Variants in ZBED6 observed in about 807,000 individuals in gnomAD.
ZBED6 encodes the protein zinc finger BED domain-containing protein 6.
A neutral mutation model predicts 58.4 loss-of-function variants in ZBED6; 40 were observed. The observed-to-expected ratio is 0.68, with a 90% confidence interval of 0.53 to 0.89. The LOEUF (loss-of-function observed/expected upper bound fraction) is 0.89, where lower values mean the gene tolerates loss of function less well. Among genes scored for constraint, ZBED6 ranks in the 40% least tolerant of loss-of-function variants. The probability of loss-of-function intolerance (pLI) is 0.00; values close to 1 mark genes in which losing one functional copy is unlikely to be tolerated. For synonymous variants in ZBED6, 439 were observed against 350.6 expected (o/e 1.25, Z -2.82); for missense variants, 1,057 against 1,003.9 (o/e 1.05, Z -0.71).
chr1:203,798,607 A>T lies in ZBED6; in HGVS notation c.1085A>T (p.Asp362Val), dbSNP rs1428605208. 1.3e-6 allele frequency: 2 copies of T among 1,536,126 alleles called. No individual in the cohort carries two copies. Among genetic ancestry groups the T allele is most frequent in the Admixed American group, 3.9e-5 (2 of 50,986 alleles). ...GGCAGCCAAGATTTAACAGCTGAGG[A>T]CCTTAGTGACTCTGATTCAGATGAA... Residue 362 changes from aspartate to valine, a missense_variant, in exon 1 of 17, where the codon GAC (aspartate) becomes GTC (valine). Physicochemically the swap from Asp to Val is radical, Grantham distance 152 (BLOSUM62 -3). Transcript: ENST00000550078.
chr1:203,825,101 T>C (rs1268090939), intron 3 of ZBED6, among the ~76,000 whole-genome samples: 7 of 114,336 alleles, frequency 6.1e-5, no homozygotes, highest in Non-Finnish European at 9.3e-5. Context: ...AAAAAGAAAA[T>C]AGATGTTAGA....
rs1689040468 is a variant in ZBED6 at position 203,850,692 on chromosome 1, T to C, written c.*4805+11T>C. ...AAAAAGGCAGCTGTGGTAAGAAGTA[T>C]ATTCACTTTGTGGTGCTTTATTCTG... is the stretch of plus-strand genomic sequence containing the variant. On this transcript the variant is annotated intron_variant, in intron 15 of 16. Transcript: ENST00000550078. 2 of 1,612,132 alleles carry C rather than the reference T, an allele frequency of 1.2e-6. No homozygotes were observed. The highest frequency in any genetic ancestry group is 1.3e-5 in the African/African-American group (1 of 74,878).
intron 3 of ZBED6, among the ~76,000 whole-genome samples, chr1:203,820,466 T>TTGTGTGTGTGTGTG (rs144962991): frequency 0.096 from 13,052 of 136,404 alleles, 825 homozygotes; most frequent in East Asian, 0.2. Context: ...ATATCACAAA[T>TTGTGTGTGTGTGTG]TATGTGTGTG....
chr1:203,821,374 T>A (rs1035209015), intron 3 of ZBED6, among the ~76,000 whole-genome samples: 1 of 152,212 alleles, frequency 6.6e-6, no homozygotes, highest in Non-Finnish European at 1.5e-5. Context: ...GAAAATGGAC[T>A]AATACATGTG....
At chr1:203,840,639 T>TA (rs200528883) in intron 11 of ZBED6, among the ~76,000 whole-genome samples, 18 of 151,602 alleles carry the variant, frequency 1.2e-4, no homozygotes, top group South Asian at 4.1e-4. Context: ...TTTATTTATT[T>TA]TATTTATTTT....
exon 1 of ZBED6, chr1:203,797,406 T>G (rs1310860878): frequency 9.9e-7 from 1 of 1,008,648 alleles, no homozygotes; most frequent in Non-Finnish European, 1.4e-6. Context: ...AGTGGGAATT[T>G]GATTCCCCAT....
At chr1:203,849,543 C>A (rs550658094) in intron 13 of ZBED6, among the ~76,000 whole-genome samples, 168 bp from the exon 14 acceptor site, 1 of 152,290 alleles carries the variant, frequency 6.6e-6, no homozygotes, top group South Asian at 2.1e-4. Context: ...TAATTCTAAT[C>A]TTTCATCTTT....
chr1:203,810,420 T>A (rs1234412731), intron 1 of ZBED6, among the ~76,000 whole-genome samples: 1 of 146,112 alleles, frequency 6.8e-6, no homozygotes, highest in African/African-American at 2.6e-5. Context: ...TTGTAGCTGT[T>A]AGGTTTTTTT....
At chr1:203,832,484 C>G (rs374487753) in intron 8 of ZBED6, among the ~76,000 whole-genome samples, 3 of 152,088 alleles carry the variant, frequency 2.0e-5, no homozygotes, top group Non-Finnish European at 4.4e-5. Context: ...CTTCAGCCTC[C>G]CCAGTAGCTG....
chr1:203,808,972 A>G (rs760679790), intron 1 of ZBED6, among the ~76,000 whole-genome samples: 3 of 151,958 alleles, frequency 2.0e-5, no homozygotes, highest in Non-Finnish European at 4.4e-5. Context: ...CTGGGATTAC[A>G]GGCATTCGCC....
At chr1:203,813,403 T>C (rs1322038301) in intron 1 of ZBED6, among the ~76,000 whole-genome samples, 3 of 152,160 alleles carry the variant, frequency 2.0e-5, no homozygotes, top group Non-Finnish European at 4.4e-5. Context: ...AAAACCAATT[T>C]ATTGGTTTTC....
At chr1:203,798,503 T>C in exon 1 of ZBED6, 1 of 1,536,140 alleles carries the variant, frequency 6.5e-7, no homozygotes, top group South Asian at 1.2e-5. Flanking sequence ...ACAGTGGTGC[T>C]GTTGCAAATG....
chr1:203,833,506 G>A (rs1683144680), intron 8 of ZBED6, among the ~76,000 whole-genome samples: 1 of 151,774 alleles, frequency 6.6e-6, no homozygotes, highest in Admixed American at 6.6e-5. Context: ...ACTCCAGCCT[G>A]AGTGACAGAG....
At chr1:203,828,525 C>T in intron 4 of ZBED6, 103 bp downstream of exon 4, 2 of 1,371,262 alleles carry the variant, frequency 1.5e-6, no homozygotes, top group East Asian at 2.5e-5. Context: ...TCTTGTGAAA[C>T]AGCAGAATTA....
intron 8 of ZBED6, among the ~76,000 whole-genome samples, chr1:203,832,636 T>C (rs897014328): frequency 6.6e-6 from 1 of 152,176 alleles, no homozygotes; most frequent in Non-Finnish European, 1.5e-5. Context: ...GCTGGGATTA[T>C]AGGTGTTAGC....
intron 10 of ZBED6, among the ~76,000 whole-genome samples, chr1:203,839,820 T>C (rs968668645): frequency 3.3e-5 from 5 of 152,272 alleles, no homozygotes; most frequent in Admixed American, 1.3e-4. Flanking sequence ...TTTTTGTTTT[T>C]TGAGACAGAG....
At chr1:203,836,468 G>A (rs1193104264) in intron 9 of ZBED6, among the ~76,000 whole-genome samples, 2 of 152,152 alleles carry the variant, frequency 1.3e-5, no homozygotes, top group Non-Finnish European at 2.9e-5. Flanking sequence ...AAAACTAGAA[G>A]GCTGGGCGCG....
intron 1 of ZBED6, chr1:203,805,956 C>A (rs1223604004): frequency 4.8e-6 from 3 of 620,292 alleles, no homozygotes; most frequent in Admixed American, 1.9e-5. Context: ...TAGCATCAAC[C>A]GTGGTCTTGG....
intron 11 of ZBED6, among the ~76,000 whole-genome samples, chr1:203,845,375 A>AT (rs993941690): frequency 3.3e-5 from 5 of 152,138 alleles, no homozygotes; most frequent in Admixed American, 6.5e-5. Context: ...AGAATTTGTG[A>AT]TTTTTTATTA....
Sources: gnomAD v4.1 joint callset for allele counts (sites outside exome capture counted in the v4.1 genomes callset) on GRCh38, gnomAD v4.1.1 for gene constraint, MANE v1.5 for transcripts, NCBI Gene and HGNC (gene_info 2026-07-23, HGNC 2026-07-21) for gene names.